The following LARP4B variants were observed in gnomAD, a reference collection of about 807,000 sequenced individuals.
LARP4B encodes La ribonucleoprotein 4B, also known as la-related protein 4B.
In LARP4B, 12 loss-of-function variants were observed where a neutral mutation model predicts 89.8. That is an observed-to-expected ratio of 0.13 (90% CI 0.09 to 0.22). The LOEUF (loss-of-function observed/expected upper bound fraction) is 0.22. LARP4B is among the 10% of genes least tolerant of loss of function. The probability of loss-of-function intolerance (pLI) is 1.00; values close to 1 mark genes in which losing one functional copy is unlikely to be tolerated. For synonymous variants in LARP4B, 367 were observed against 363.3 expected, an observed-to-expected ratio of 1.01 and a Z score of -0.12; for missense variants, 757 against 947.7, an observed-to-expected ratio of 0.80 and a Z score of 2.64.
intron 3 of LARP4B, among the ~76,000 whole-genome samples, chr10:865,429 A>C (rs567885930): frequency 2.6e-5 from 4 of 152,270 alleles, no homozygotes; most frequent in Non-Finnish European, 5.9e-5. Context: ...ATTTGGAGTA[A>C]AAGACGAAGT....
At chr10:821,457 C>G (rs191921178) in intron 13 of LARP4B, among the ~76,000 whole-genome samples, 1 of 152,178 alleles carries the variant, frequency 6.6e-6, no homozygotes, top group Non-Finnish European at 1.5e-5. Context: ...ACGCCACACA[C>G]GCAGTTGATA....
intron 3 of LARP4B, among the ~76,000 whole-genome samples, chr10:875,817 T>C (rs1217757319): frequency 1.3e-5 from 2 of 152,152 alleles, no homozygotes; most frequent in East Asian, 1.9e-4. Flanking sequence ...TTCCAACACA[T>C]GAACTTTGGG....
intron 5 of LARP4B, among the ~76,000 whole-genome samples, chr10:853,562 T>C (rs1212557986): frequency 6.6e-6 from 1 of 152,160 alleles, no homozygotes; most frequent in Non-Finnish European, 1.5e-5. Context: ...CACATGCCTG[T>C]AGTCCCAGCT....
At chr10:869,935 AATAATAATAATAAT>A (rs1835115602) in intron 3 of LARP4B, 27 of 181,620 alleles carry the variant, frequency 1.5e-4, no homozygotes, top group Non-Finnish European at 2.6e-4. Context: ...TAATAATAAT[AATAATAATAATAAT>A]AAATTAAAAT....
At chr10:928,385 AT>A (rs1837211201) in intron 1 of LARP4B, among the ~76,000 whole-genome samples, 1 of 152,236 alleles carries the variant, frequency 6.6e-6, no homozygotes, top group South Asian at 2.1e-4. Context: ...AATCCTAGCT[AT>A]CACTATTTTG....
At chr10:975,676 C>A in the LARP4B span, among the ~76,000 whole-genome samples, 2 of 152,170 alleles carry the variant, frequency 1.3e-5, no homozygotes, top group Non-Finnish European at 2.9e-5. Context: ...AGAATTGTGG[C>A]CCGGCCTAGT....
intron 1 of LARP4B, among the ~76,000 whole-genome samples, chr10:887,447 T>C (rs370539589): frequency 2.7e-4 from 41 of 150,482 alleles, no homozygotes; most frequent in African/African-American, 8.8e-4. Flanking sequence ...TGGTGGCTCA[T>C]ACCTATAAAT....
intron 3 of LARP4B, among the ~76,000 whole-genome samples, chr10:866,805 GT>G (rs1834916925): frequency 6.6e-6 from 1 of 152,122 alleles, no homozygotes; most frequent in Admixed American, 6.5e-5. Flanking sequence ...CTGTCCTATA[GT>G]ACCAAAATAC....
rs1564415865 is a variant in LARP4B, at chr10:864,255, C to T, written c.157G>A (p.Val53Ile). The part of the protein sequence containing the change: ...PPLSQVPATK[V>I]SELNPNAEVW... ...TCTGCATTAGGGTTCAGCTCTGAAA[C>T]CTTAGTTGCTGGTACCTAGGAAGAA... Residue 53 changes from valine to isoleucine, a missense_variant, in exon 4 of 18, where the codon GTT becomes ATT. Physicochemically the swap from Val to Ile is conservative, Grantham distance 29. Around this residue, in one of 5 missense-constraint regions of LARP4B, gnomAD observed 175 missense variants for 187.0 expected, o/e 0.94. Coordinates refer to ENST00000316157, the MANE Select transcript of LARP4B (RefSeq NM_015155.3). The T allele has an allele frequency of 1.2e-6, 2 of 1,614,158 alleles. No individual in the cohort carries two copies. Among genetic ancestry groups the T allele is most frequent in the Non-Finnish European group, 1.7e-6 (2 of 1,180,010 alleles).
At chr10:949,318 G>T in the LARP4B span, among the ~76,000 whole-genome samples, 1 of 150,280 alleles carries the variant, frequency 6.7e-6, no homozygotes, top group Non-Finnish European at 1.5e-5. Context: ...CCAGCCCCGC[G>T]TGAGTGAGTG....
chr10:917,199 C>T (rs1303779381), intron 1 of LARP4B, among the ~76,000 whole-genome samples: 1 of 152,134 alleles, frequency 6.6e-6, no homozygotes, highest in African/African-American at 2.4e-5. Flanking sequence ...TGAAACATTG[C>T]TGATTCTTTT....
chr10:829,052 C>T (rs540928586), intron 11 of LARP4B, among the ~76,000 whole-genome samples: 6 of 152,328 alleles, frequency 3.9e-5, no homozygotes, highest in East Asian at 1.9e-4. Context: ...GCCTATTAAA[C>T]ACCTCTTCCT....
chr10:898,135 C>T (rs1836243232), intron 1 of LARP4B, among the ~76,000 whole-genome samples: 1 of 151,924 alleles, frequency 6.6e-6, no homozygotes, highest in Non-Finnish European at 1.5e-5. Context: ...CAAAATACCA[C>T]TTTGAAATGA....
rs555580535 is a variant in LARP4B at position 875,341 on chromosome 10, G to A, written c.141+9106C>T. On this transcript the variant is annotated intron_variant, in intron 3 of 17. Transcript: ENST00000316157. ...GCTGTTAGGCAGACTTTAAGTAGTT[G>A]GAATAGAATCTCAGAGTCCCACTTC... 1.2e-4 allele frequency among the ~76,000 whole-genome samples: 19 copies of A among 152,278 alleles called. No individual in the cohort carries two copies. In the East Asian group the frequency reaches 3.5e-3, roughly 28 times the overall value.
At chr10:827,607 C>G (rs942103185) in intron 11 of LARP4B, among the ~76,000 whole-genome samples, 2 of 152,188 alleles carry the variant, frequency 1.3e-5, no homozygotes, top group African/African-American at 4.8e-5. Flanking sequence ...GCAGGACCAG[C>G]TGTCTGGCAC....
the LARP4B span, among the ~76,000 whole-genome samples, chr10:967,679 C>G: frequency 5.3e-5 from 8 of 152,158 alleles, no homozygotes; most frequent in African/African-American, 1.9e-4. Context: ...GCGGAGGCAA[C>G]CCCGGACTTC....
the LARP4B span, chr10:985,533 C>T: frequency 6.6e-6 from 1 of 152,228 alleles, no homozygotes; most frequent in Non-Finnish European, 1.5e-5. Context: ...ACAGTCTTAA[C>T]TCACTGTGTA....
Position 830,963 on chromosome 10 carries a change from T to C in LARP4B, c.765A>G (p.Leu255=), listed in dbSNP as rs1832872761. 1.8e-6 allele frequency: 2 copies of C among 1,119,818 alleles called. No homozygotes were observed. The highest frequency in any genetic ancestry group is 1.8e-5 in the Admixed American group (1 of 55,242). The allele number at this position is 1,119,818 out of a possible 1,614,324, so 69.4% of individuals were successfully genotyped here. Reference sequence around the variant, plus strand: ...ATTTTGGTAAATTATCTCCTTTAAATAGTGCTTCTACTTCCTACAGGAAAT... The same window carrying C: ...ATTTTGGTAAATTATCTCCTTTAAACAGTGCTTCTACTTCCTACAGGAAAT... ...ESTPVEEVEA[L]FKGDNLPKFI... is the part of the protein sequence containing the mutation. The change falls in exon 9 of 18, where the codon CTA becomes CTG. Residue 255 remains leucine, a synonymous_variant. Coordinates refer to ENST00000316157, the MANE Select transcript of LARP4B (RefSeq NM_015155.3).
chr10:807,046 A>C (rs1831583710), downstream of LARP4B: 1 of 152,280 alleles, frequency 6.6e-6, no homozygotes, highest in African/African-American at 2.4e-5. Flanking sequence ...AGGCGGGCTA[A>C]AAGTCAAAGG....
Sources: gnomAD v4.1 joint callset for allele counts (sites outside exome capture counted in the v4.1 genomes callset) on GRCh38, gnomAD v4.1.1 for gene constraint, gnomAD v4.1.1 regional missense constraint, MANE v1.5 for transcripts, NCBI Gene and HGNC (gene_info 2026-07-23, HGNC 2026-07-21) for gene names.